CCNH: variants seen among roughly 807,000 people sequenced by gnomAD.
CCNH encodes cyclin-H.
In CCNH, 31 loss-of-function variants were observed where a neutral mutation model predicts 41.9. The observed-to-expected ratio is 0.74, with a 90% CI of 0.56 to 1.00. CCNH has a LOEUF of 1.00. Ranked by LOEUF, CCNH falls within the 50% of genes least tolerant of loss-of-function variation. The probability of loss-of-function intolerance (pLI) is 0.00; values close to 1 mark genes in which losing one functional copy is unlikely to be tolerated. For missense variants in CCNH, 362 were observed against 388.4 expected, an observed-to-expected ratio of 0.93 and a Z score of 0.57; for synonymous variants, 138 against 136.1, an observed-to-expected ratio of 1.01 and a Z score of -0.10.
At chr5:87,348,191 T>C (rs1007859718) in intron 9 of CCNH, among the ~76,000 whole-genome samples, 1 of 152,104 alleles carries the variant, frequency 6.6e-6, no homozygotes, top group Non-Finnish European at 1.5e-5. Flanking sequence ...ACTTATGTAT[T>C]AAGCCTTGAA....
exon 1 of CCNH, chr5:87,376,868 A>T: frequency 6.3e-7 from 1 of 1,584,984 alleles, no homozygotes; most frequent in Non-Finnish European, 8.7e-7. Flanking sequence ...AATCTTTTAA[A>T]ATGTCATTTT....
At chr5:87,363,115 G>C (rs930167891) in intron 9 of CCNH, among the ~76,000 whole-genome samples, 2 of 151,792 alleles carry the variant, frequency 1.3e-5, no homozygotes, top group African/African-American at 2.4e-5. Flanking sequence ...AATCTCTGAA[G>C]ATATAGTTAA....
intron 9 of CCNH, among the ~76,000 whole-genome samples, chr5:87,356,967 C>T (rs1042718467): frequency 2.0e-5 from 3 of 152,040 alleles, no homozygotes; most frequent in Non-Finnish European, 2.9e-5. Flanking sequence ...TAGAACAGTA[C>T]CTGACATTAG....
At chr5:87,353,825 G>C (rs900878352) in intron 9 of CCNH, among the ~76,000 whole-genome samples, 2 of 152,064 alleles carry the variant, frequency 1.3e-5, no homozygotes, top group Non-Finnish European at 2.9e-5. Flanking sequence ...GAGCAAGAGA[G>C]CCTGTTAAAT....
chr5:87,411,116 T>C (rs1230389061), intron 2 of CCNH, 108 bp downstream of exon 2: 3 of 1,155,458 alleles, frequency 2.6e-6, no homozygotes, highest in Non-Finnish European at 3.6e-6. Context: ...AACTAATTAA[T>C]TGTAACTAAG....
intron 9 of CCNH, chr5:87,349,106 A>G: frequency 1.5e-6 from 2 of 1,358,572 alleles, no homozygotes; most frequent in Non-Finnish European, 2.0e-6. Flanking sequence ...TTCCTGGTGA[A>G]AATTTACATA....
At chr5:87,331,326 AT>A (rs1757585233) in intron 9 of CCNH, 1 of 1,578,570 alleles carries the variant, frequency 6.3e-7, no homozygotes, top group East Asian at 2.2e-5. Context: ...ATATTGTAAT[AT>A]CTTCTCTGTT....
At chr5:87,356,630 C>T (rs986374086) in intron 9 of CCNH, among the ~76,000 whole-genome samples, 18 of 152,142 alleles carry the variant, frequency 1.2e-4, no homozygotes, top group Non-Finnish European at 2.2e-4. Flanking sequence ...GCCTTGGTCT[C>T]CCAAAATGCT....
At chr5:87,349,865 CAG>C (rs1395305074) in intron 9 of CCNH, among the ~76,000 whole-genome samples, 2 of 151,680 alleles carry the variant, frequency 1.3e-5, no homozygotes, top group African/African-American at 4.8e-5. Flanking sequence ...TCCCAAAACT[CAG>C]AATGAATTAT....
intron 9 of CCNH, among the ~76,000 whole-genome samples, chr5:87,360,267 C>A (rs1306832168): frequency 6.6e-6 from 1 of 152,048 alleles, no homozygotes; most frequent in Admixed American, 6.6e-5. Flanking sequence ...GCTGGAATTA[C>A]AGGCACGCGC....
chr5:87,374,459 A>AT (rs770426797), downstream of CCNH: 2,923 of 167,316 alleles, frequency 0.017, 5 homozygotes, highest in East Asian at 0.052. Context: ...ATATATATAT[A>AT]TTTTTTTTTT....
intron 9 of CCNH, among the ~76,000 whole-genome samples, chr5:87,347,015 T>C (rs1400148938): frequency 6.6e-6 from 1 of 152,056 alleles, no homozygotes; most frequent in Non-Finnish European, 1.5e-5. Context: ...TCTGTGTCTC[T>C]GTGAATCTTT....
chr5:87,383,632 T>A lies in CCNH; in HGVS notation c.*90+9138A>T, dbSNP rs566862326. The A allele has an allele frequency of 2.3e-4, 251 of 1,081,306 alleles. 5 individuals carry two copies. In the South Asian group the frequency reaches 3.5e-3, roughly 15 times the overall value. The allele number at this position is 1,081,306 out of a possible 1,614,324, so 67.0% of individuals were successfully genotyped here. A position where few individuals can be genotyped will look rare whatever the true frequency, so the allele number is the denominator to read the frequency against. ...TGGGTTCTATGAGTACTAAAAATTC[T>A]GTTTATATATATTGTTTTAATGTAA... On this transcript the variant is annotated intron_variant and NMD_transcript_variant, in intron 9 of 9. Coordinates refer to the CCNH transcript ENST00000645953.
intron 5 of CCNH, among the ~76,000 whole-genome samples, chr5:87,403,400 G>C (rs1429791789): frequency 1.3e-5 from 2 of 152,126 alleles, no homozygotes; most frequent in Non-Finnish European, 2.9e-5. Flanking sequence ...AGAATTTATA[G>C]ATGCACTATA....
At chr5:87,372,826 T>C (rs1761047913), downstream of CCNH, among the ~76,000 whole-genome samples, 1 of 152,160 alleles carries the variant, frequency 6.6e-6, no homozygotes, top group African/African-American at 2.4e-5. Flanking sequence ...ACAATATTTA[T>C]TTACTAACCA....
chr5:87,333,154 G>A (rs2112371065), intron 9 of CCNH: 2 of 1,441,370 alleles, frequency 1.4e-6, no homozygotes, highest in East Asian at 5.0e-5. Context: ...TTATTTGAAT[G>A]ATCCCATGGA....
chr5:87,392,596 T>G (rs570220267), downstream of CCNH: 1 of 277,830 alleles, frequency 3.6e-6, no homozygotes, highest in African/African-American at 2.2e-5. Context: ...AAGATATTTT[T>G]GCTGTGCACT....
intron 4 of CCNH, among the ~76,000 whole-genome samples, chr5:87,407,608 C>G (rs893030028): frequency 6.6e-6 from 1 of 152,140 alleles, no homozygotes; most frequent in Non-Finnish European, 1.5e-5. Context: ...AAATCAGGCC[C>G]AGATCCATGA....
At chr5:87,372,258 ATTTTAT>A (rs2112480310), downstream of CCNH, 6 of 1,465,762 alleles carry the variant, frequency 4.1e-6, no homozygotes, top group Non-Finnish European at 5.7e-6. Context: ...TGCTCTTTTT[ATTTTAT>A]TTTTATCTGA....
Sources: allele counts gnomAD v4.1 joint callset (sites outside exome capture counted in the v4.1 genomes callset), GRCh38; gene constraint gnomAD v4.1.1; transcripts MANE v1.5; gene names NCBI Gene and HGNC (gene_info 2026-07-23, HGNC 2026-07-21).